The following TMEM87B variants were observed in gnomAD, a reference collection of about 807,000 sequenced individuals.
TMEM87B encodes transmembrane protein 87B.
In TMEM87B, 83 loss-of-function variants were observed where a neutral mutation model predicts 80.3. The ratio of observed to expected loss-of-function variants is 1.03; its 90% CI spans 0.87 to 1.24. TMEM87B has a LOEUF of 1.24. TMEM87B is among the 50% of genes most tolerant of loss of function. TMEM87B has a pLI of 0.00. For missense variants in TMEM87B, 625 were observed against 674.4 expected, an observed-to-expected ratio of 0.93 and a Z score of 0.81; for synonymous variants, 219 against 230.5, an observed-to-expected ratio of 0.95 and a Z score of 0.45.
chr2:112,075,714 G>A (rs965557006), intron 5 of TMEM87B, among the ~76,000 whole-genome samples: 5 of 152,094 alleles, frequency 3.3e-5, no homozygotes, highest in African/African-American at 1.2e-4. Context: ...CTGAAAACAG[G>A]TTTGGGAGAG....
rs1679308912 is a variant in TMEM87B, at chr2:112,091,792, T to C, written c.1104+9T>C. 1 of 1,584,840 alleles carries C rather than the reference T, an allele frequency of 6.3e-7. No individual in the cohort carries two copies. Among genetic ancestry groups the C allele is most frequent in the Non-Finnish European group, 8.6e-7 (1 of 1,158,514 alleles). ...CCATTTTTGTGTGGTTCATATCCTT[T>C]ACTGTGTCCTTCAAAATAGTTTGTT... On this transcript the variant is annotated intron_variant, in intron 11 of 18. Coordinates refer to ENST00000283206, the MANE Select transcript of TMEM87B (RefSeq NM_032824.3).
At chr2:112,085,083 C>T (rs549182002) in intron 8 of TMEM87B, among the ~76,000 whole-genome samples, 1 of 152,210 alleles carries the variant, frequency 6.6e-6, no homozygotes, top group Non-Finnish European at 1.5e-5. Flanking sequence ...CAGATTTGGC[C>T]CATGGGCCAT....
intron 14 of TMEM87B, among the ~76,000 whole-genome samples, chr2:112,099,947 C>A (rs1679586021): frequency 6.6e-6 from 1 of 150,696 alleles, no homozygotes; most frequent in Non-Finnish European, 1.5e-5. Context: ...TATAGATCTA[C>A]CACATTACTT....
At chr2:112,078,443 A>G (rs1678886425) in intron 6 of TMEM87B, among the ~76,000 whole-genome samples, 1 of 152,190 alleles carries the variant, frequency 6.6e-6, no homozygotes. Flanking sequence ...GGGTGGAGGC[A>G]GAAGAGCAAA....
intron 4 of TMEM87B, among the ~76,000 whole-genome samples, chr2:112,071,247 T>C (rs1410180162): frequency 6.6e-6 from 1 of 152,134 alleles, no homozygotes; most frequent in Non-Finnish European, 1.5e-5. Flanking sequence ...ATTGCATTCA[T>C]GATTTGGCTC....
intron 6 of TMEM87B, among the ~76,000 whole-genome samples, chr2:112,080,551 G>T (rs1030849974): frequency 1.3e-5 from 2 of 152,184 alleles, no homozygotes; most frequent in African/African-American, 4.8e-5. Context: ...GAGCCACCAC[G>T]CCCGGCCTGC....
At chr2:112,058,057 C>T (rs539658997) in intron 1 of TMEM87B, among the ~76,000 whole-genome samples, 1 of 152,134 alleles carries the variant, frequency 6.6e-6, no homozygotes, top group African/African-American at 2.4e-5. Flanking sequence ...GAACTCCTGA[C>T]CTCAGGTGAT....
At chr2:112,078,523 A>G (rs542601872) in intron 6 of TMEM87B, among the ~76,000 whole-genome samples, 1 of 152,206 alleles carries the variant, frequency 6.6e-6, no homozygotes, top group Non-Finnish European at 1.5e-5. Context: ...CAGAGCCCTC[A>G]TGACTTAATC....
intron 3 of TMEM87B, among the ~76,000 whole-genome samples, chr2:112,065,773 C>A (rs1678415036): frequency 6.6e-6 from 1 of 152,000 alleles, no homozygotes; most frequent in Non-Finnish European, 1.5e-5. Context: ...ATTTCATTTC[C>A]TTTCCTTGTT....
intron 14 of TMEM87B, 80 bp downstream of exon 14, chr2:112,098,778 C>A: frequency 7.4e-7 from 1 of 1,351,484 alleles, no homozygotes; most frequent in Non-Finnish European, 1.1e-6. Flanking sequence ...TTATAGAAAC[C>A]AGGAGAATAG....
At chr2:112,070,983 G>A (rs966120038) in intron 4 of TMEM87B, among the ~76,000 whole-genome samples, 12 of 151,420 alleles carry the variant, frequency 7.9e-5, no homozygotes, top group East Asian at 3.9e-4. Flanking sequence ...CACCATGCCC[G>A]GCTAATTTTT....
At chr2:112,080,510 T>C (rs758739008) in intron 6 of TMEM87B, among the ~76,000 whole-genome samples, 11 of 151,932 alleles carry the variant, frequency 7.2e-5, no homozygotes, top group Non-Finnish European at 1.0e-4. Context: ...CCGCCCGCCT[T>C]GGCCTCCCAA....
chr2:112,080,918 T>C (rs1410254263), intron 6 of TMEM87B, 139 bp from the exon 7 acceptor site: 2 of 687,084 alleles, frequency 2.9e-6, no homozygotes, highest in Admixed American at 2.6e-5. Context: ...ATACTAATTG[T>C]CCAATACCAT....
chr2:112,081,163 A>G, intron 7 of TMEM87B, 45 bp downstream of exon 7: 2 of 1,569,582 alleles, frequency 1.3e-6, no homozygotes. Flanking sequence ...AATGAATTTT[A>G]TACCCTAAGA....
At chr2:112,079,725 C>G (rs1440648753) in intron 6 of TMEM87B, among the ~76,000 whole-genome samples, 1 of 152,154 alleles carries the variant, frequency 6.6e-6, no homozygotes, top group African/African-American at 2.4e-5. Flanking sequence ...GACATTTTCA[C>G]AAAGCATCCC....
rs760211204 is a variant in TMEM87B, at chr2:112,116,102, G to A, written c.1627G>A (p.Glu543Lys). 2 of 1,612,436 alleles carry A rather than the reference G, an allele frequency of 1.2e-6. No individual in the cohort carries two copies. Among genetic ancestry groups the A allele is most frequent in the South Asian group, 2.2e-5 (2 of 90,914 alleles). ...DSDEEIMTRS[E>K]MAEKMFSSEK... ...TCTTCAGGAAATCATGACCAGATCT[G>A]AAATGGCTGAAAAAATGTTCTCTTC... is the stretch of plus-strand genomic sequence containing the variant. Residue 543 changes from glutamate (E) to lysine (K), a missense_variant, in exon 19 of 19, where the codon GAA becomes AAA. Transcript: ENST00000283206.
At chr2:112,062,611 A>G (rs1001035252) in intron 2 of TMEM87B, among the ~76,000 whole-genome samples, 2 of 152,242 alleles carry the variant, frequency 1.3e-5, no homozygotes, top group Non-Finnish European at 2.9e-5. Flanking sequence ...TGGTCGGTGC[A>G]TATTGTGAAT....
At chr2:112,098,728 A>G (rs1056237531) in intron 14 of TMEM87B, 30 bp downstream of exon 14, 1 of 1,601,670 alleles carries the variant, frequency 6.2e-7, no homozygotes, top group Non-Finnish European at 8.6e-7. Flanking sequence ...TCAAGTCGTC[A>G]AGGATTTGTT....
At chr2:112,075,458 G>T (rs1678783854) in intron 5 of TMEM87B, among the ~76,000 whole-genome samples, 2 of 152,084 alleles carry the variant, frequency 1.3e-5, no homozygotes, top group African/African-American at 4.8e-5. Flanking sequence ...TACTATCTTT[G>T]TCTAAAAATA....
Sources: gnomAD v4.1 joint callset for allele counts (sites outside exome capture counted in the v4.1 genomes callset) on GRCh38, gnomAD v4.1.1 for gene constraint, MANE v1.5 for transcripts, NCBI Gene and HGNC (gene_info 2026-07-23, HGNC 2026-07-21) for gene names.